The following INTS6 variants were observed in gnomAD, a reference collection of about 807,000 sequenced individuals.
INTS6 encodes integrator complex subunit 6.
A neutral mutation model predicts 104.9 loss-of-function variants in INTS6; 16 were observed. That is an observed-to-expected ratio of 0.15 (90% confidence interval 0.10 to 0.23). The LOEUF is 0.23. Ranked by LOEUF, INTS6 falls within the 10% of genes least tolerant of loss-of-function variation. The pLI is 1.00. For missense variants in INTS6, 584 were observed against 1,062.8 expected (o/e 0.55, Z 6.26); for synonymous variants, 324 against 358.7 (o/e 0.90, Z 1.09).
chr13:51,392,841 C>T (rs1956267449), intron 5 of INTS6, among the ~76,000 whole-genome samples: 2 of 152,098 alleles, frequency 1.3e-5, no homozygotes, highest in South Asian at 2.1e-4. Flanking sequence ...TCCTGCTGTA[C>T]TCCCAACACC....
At chr13:51,346,989 A>T in the INTS6 span, 5 of 1,500,562 alleles carry the variant, frequency 3.3e-6, no homozygotes, top group Non-Finnish European at 4.5e-6. Context: ...TTCAATGCAC[A>T]TTTAACCCAT....
chr13:51,443,422 T>TTTTAAGTAA (rs1952833943), intron 3 of INTS6: 1 of 152,150 alleles, frequency 6.6e-6, no homozygotes. Flanking sequence ...AAGTTACATC[T>TTTTAAGTAA]CAATAAAAAT....
At chr13:51,336,665 T>C in the INTS6 span, among the ~76,000 whole-genome samples, 2 of 152,212 alleles carry the variant, frequency 1.3e-5, no homozygotes, top group African/African-American at 2.4e-5. Context: ...AAGAAGTTGA[T>C]GCTTTCAGCC....
intron 13 of INTS6, among the ~76,000 whole-genome samples, chr13:51,375,739 GT>G (rs1566209017): frequency 3.7e-5 from 5 of 134,812 alleles, no homozygotes; most frequent in African/African-American, 9.2e-5. Flanking sequence ...AAGTGGGTGT[GT>G]GTGTGTGTGT....
rs760876040 is a variant in INTS6, at chr13:51,383,545, T to G, written c.1047+44A>C. On this transcript the variant is annotated intron_variant, in intron 8 of 17. Coordinates refer to ENST00000311234, the MANE Select transcript of INTS6 (RefSeq NM_012141.3). ...TGATTCAATTCAGCTTTTTAAGAAA[T>G]GCCTCATTTAAATTTTGGGGTCACT... 2.5e-6 allele frequency: 4 copies of G among 1,604,194 alleles called. No individual in the cohort carries two copies. The East Asian group carries it at 9.0e-5, about 36-fold the overall frequency.
intron 4 of INTS6, among the ~76,000 whole-genome samples, chr13:51,420,049 A>T (rs1365756865): frequency 7.2e-5 from 11 of 152,230 alleles, no homozygotes. Context: ...TACACACTAT[A>T]CAGGCTGAAA....
intron 6 of INTS6, among the ~76,000 whole-genome samples, chr13:51,387,891 G>A (rs1012487295): frequency 2.6e-5 from 4 of 152,068 alleles, no homozygotes; most frequent in African/African-American, 9.7e-5. Context: ...CACCCAATTT[G>A]CCACCTTTAT....
At chr13:51,357,754 A>G (rs1955503217), downstream of INTS6, among the ~76,000 whole-genome samples, 2 of 151,758 alleles carry the variant, frequency 1.3e-5, no homozygotes, top group African/African-American at 4.8e-5. Flanking sequence ...AGCTAAAGAT[A>G]CTCTTCTTAA....
chr13:51,383,924 C>A (rs1351961903), intron 7 of INTS6, 183 bp from the exon 8 acceptor site: 2 of 409,740 alleles, frequency 4.9e-6, no homozygotes, highest in Non-Finnish European at 8.5e-6. Flanking sequence ...ATGTAATATT[C>A]ACAACAAAAA....
chr13:51,340,509 AC>A, the INTS6 span, among the ~76,000 whole-genome samples: 2 of 152,212 alleles, frequency 1.3e-5, no homozygotes, highest in Admixed American at 1.3e-4. Context: ...GATTTGAGTC[AC>A]AGCACTGTTT....
rs543939158 is a variant in INTS6, at chr13:51,390,392, T to G, written c.614-948A>C. 3.9e-5 allele frequency among the ~76,000 whole-genome samples: 6 copies of G among 151,986 alleles called. No homozygotes were observed. The South Asian group carries it at 1.2e-3, about 31-fold the overall frequency. On this transcript the variant is annotated intron_variant, in intron 5 of 17. Transcript: ENST00000311234. ...TTTAAATAAAATATATTATTAAAAT[T>G]AATTTCATCTATTTTTAATTTTTAA... is the stretch of plus-strand genomic sequence containing the variant.
At chr13:51,393,576 C>T (rs903860041) in intron 5 of INTS6, among the ~76,000 whole-genome samples, 8 of 152,018 alleles carry the variant, frequency 5.3e-5, no homozygotes, top group African/African-American at 1.5e-4. Context: ...GACATTTGAG[C>T]GGCTTACTCT....
chr13:51,433,440 T>G (rs796124127), intron 3 of INTS6, among the ~76,000 whole-genome samples: 1 of 152,284 alleles, frequency 6.6e-6, no homozygotes, highest in African/African-American at 2.4e-5. Flanking sequence ...AGAGTGAGAC[T>G]CCGTCTCAAA....
In INTS6 at chr13:51,452,171, G is replaced by A; in HGVS notation, c.112-116C>T. On this transcript the variant is annotated intron_variant, in intron 1 of 17. Coordinates refer to ENST00000311234, the MANE Select transcript of INTS6 (RefSeq NM_012141.3). This position sits in a 1 kb window ranked among gnomAD's most constrained non-coding sequence, Gnocchi z 4.2. Reference sequence around the variant, plus strand: ...CCCCCACAGTACCGCACACGCAGCGGCCACCCCTCCACGCCGTCCCCCACA... The same window carrying A: ...CCCCCACAGTACCGCACACGCAGCGACCACCCCTCCACGCCGTCCCCCACA... 1 of 982,336 alleles carries A rather than the reference G, an allele frequency of 1.0e-6. No individual in the cohort carries two copies. The highest frequency in any genetic ancestry group is 1.5e-6 in the Non-Finnish European group (1 of 651,814). 60.9% of individuals were successfully genotyped at this position (982,336 alleles called of 1,614,324 possible).
At chr13:51,341,478 C>T in the INTS6 span, 2 of 901,302 alleles carry the variant, frequency 2.2e-6, no homozygotes, top group Non-Finnish European at 3.3e-6. Context: ...CACACTCACT[C>T]TCTCCAGCTC....
intron 4 of INTS6, among the ~76,000 whole-genome samples, chr13:51,413,064 G>A (rs979236696): frequency 6.6e-6 from 1 of 152,166 alleles, no homozygotes; most frequent in Non-Finnish European, 1.5e-5. Context: ...AGGTACTGAA[G>A]GTATAATGGT....
chr13:51,432,519 G>A (rs923527445), intron 3 of INTS6, among the ~76,000 whole-genome samples: 2 of 151,142 alleles, frequency 1.3e-5, no homozygotes, highest in Non-Finnish European at 2.9e-5. Context: ...CATGTTGAAG[G>A]CAAAGAATAT....
In INTS6 at chr13:51,361,934, G is replaced by GT; in HGVS notation, c.*3817dup. The GT allele has an allele frequency of 6.2e-7, 1 of 1,611,920 alleles. No homozygotes were observed. Among genetic ancestry groups the GT allele is most frequent in the Non-Finnish European group, 8.5e-7 (1 of 1,178,710 alleles). ...TTGACAGGATTCAGATAATTTATCA[G>GT]TGTCTCTCTAGCAACAAGGGCTCAT... On this transcript the variant is annotated 3_prime_UTR_variant, in exon 18 of 18. Transcript: ENST00000311234.
intron 4 of INTS6, among the ~76,000 whole-genome samples, chr13:51,403,567 G>A (rs1472985383): frequency 1.1e-5 from 1 of 92,802 alleles, no homozygotes; most frequent in Non-Finnish European, 2.0e-5. Context: ...GGGGGACAGA[G>A]TGAGACTCCA....
Sources: allele counts gnomAD v4.1 joint callset (sites outside exome capture counted in the v4.1 genomes callset), GRCh38; gene constraint gnomAD v4.1.1; non-coding constraint Gnocchi (gnomAD v3.1); transcripts MANE v1.5; gene names NCBI Gene and HGNC (gene_info 2026-07-23, HGNC 2026-07-21).